The following PLCL1 variants were observed in gnomAD, a reference collection of about 807,000 sequenced individuals.
PLCL1 encodes phospholipase C like 1 (inactive).
PLCL1 carries 41 observed loss-of-function variants against 84.4 expected under a neutral mutation model. The observed-to-expected ratio is 0.49, with a 90% CI of 0.38 to 0.63. The LOEUF (loss-of-function observed/expected upper bound fraction) is 0.63, where lower values mean the gene tolerates loss of function less well. Ranked by LOEUF, PLCL1 falls within the 30% of genes least tolerant of loss-of-function variation. The probability of loss-of-function intolerance (pLI) is 0.00; values close to 1 mark genes in which losing one functional copy is unlikely to be tolerated. For missense variants in PLCL1, 1,206 were observed against 1,367.8 expected (o/e 0.88, Z 1.87); for synonymous variants, 490 against 488.3 (o/e 1.00, Z -0.05).
intron 1 of PLCL1, among the ~76,000 whole-genome samples, chr2:197,986,085 C>T (rs1370762611): frequency 6.6e-6 from 1 of 152,170 alleles, no homozygotes; most frequent in African/African-American, 2.4e-5. Flanking sequence ...ATATGACATC[C>T]TTTATCAGCC....
At chr2:198,110,373 G>A (rs368461992) in intron 5 of PLCL1, among the ~76,000 whole-genome samples, 19 of 151,828 alleles carry the variant, frequency 1.3e-4, no homozygotes, top group African/African-American at 4.1e-4. Context: ...TCACTTCTCC[G>A]TGTGTAGTTA....
rs564347345 is a variant in PLCL1 at position 198,014,157 on chromosome 2, A to G, written c.241-69601A>G. Among the ~76,000 whole-genome samples the G allele has an allele frequency of 1.1e-4, 17 of 152,290 alleles. No homozygotes were observed. In the South Asian group the frequency reaches 1.2e-3, roughly 11 times the overall value. ...CATAGAAAGCAGCACAGTCTAATAC[A>G]AGGAACTGGTGTGCTACACATGAGG... On this transcript the variant is annotated intron_variant, in intron 1 of 5. Coordinates refer to ENST00000428675, the MANE Select transcript of PLCL1 (RefSeq NM_006226.4).
intron 1 of PLCL1, among the ~76,000 whole-genome samples, chr2:197,934,546 T>G (rs1185926644): frequency 1.3e-5 from 2 of 152,226 alleles, no homozygotes; most frequent in African/African-American, 4.8e-5. Flanking sequence ...TAGATTTTAT[T>G]TGAATGAGGT....
At chr2:197,896,972 T>A (rs1688146941) in intron 1 of PLCL1, among the ~76,000 whole-genome samples, 1 of 152,138 alleles carries the variant, frequency 6.6e-6, no homozygotes, top group Admixed American at 6.5e-5. Context: ...ATTTGAGATT[T>A]GGGGTTTATG....
At chr2:198,133,433 G>A (rs1034459714) in intron 5 of PLCL1, among the ~76,000 whole-genome samples, 3 of 149,596 alleles carry the variant, frequency 2.0e-5, no homozygotes, top group African/African-American at 7.4e-5. Context: ...GCTAGATGAC[G>A]AGTTAGTGGG....
At chr2:198,026,122 T>C (rs1010250158) in intron 1 of PLCL1, among the ~76,000 whole-genome samples, 7 of 152,192 alleles carry the variant, frequency 4.6e-5, no homozygotes, top group Non-Finnish European at 8.8e-5. Flanking sequence ...GGTGTATGCA[T>C]TGGTCTCATG....
chr2:197,920,331 G>A (rs1361438968), intron 1 of PLCL1, among the ~76,000 whole-genome samples: 1 of 151,752 alleles, frequency 6.6e-6, no homozygotes, highest in Admixed American at 6.6e-5. Flanking sequence ...TGTGAAACAT[G>A]AAGAAACTGG....
chr2:197,862,794 T>C (rs974246263), intron 1 of PLCL1, among the ~76,000 whole-genome samples: 1 of 152,144 alleles, frequency 6.6e-6, no homozygotes, highest in Non-Finnish European at 1.5e-5. Flanking sequence ...CCAGATGAAC[T>C]AGAAGGATGG....
intron 1 of PLCL1, among the ~76,000 whole-genome samples, chr2:197,959,303 G>GTCTTCTCCAGAATTCCCTCTT (rs1689561197): frequency 6.6e-6 from 1 of 151,988 alleles, no homozygotes. Flanking sequence ...TCTGAAATCA[G>GTCTTCTCCAGAATTCCCTCTT]TCTTCTCCAG....
intron 1 of PLCL1, among the ~76,000 whole-genome samples, chr2:197,877,757 A>T (rs541249260): frequency 6.6e-6 from 1 of 152,238 alleles, no homozygotes; most frequent in South Asian, 2.1e-4. Context: ...TCCTAAAATA[A>T]ATGTTTTGGG....
intron 1 of PLCL1, among the ~76,000 whole-genome samples, chr2:197,868,861 G>A (rs1448802098): frequency 6.6e-6 from 1 of 151,818 alleles, no homozygotes; most frequent in Non-Finnish European, 1.5e-5. Context: ...ATAATTTCCT[G>A]GTTAGTAGCA....
chr2:197,836,579 C>G (rs1041776955), intron 1 of PLCL1, among the ~76,000 whole-genome samples: 1 of 150,732 alleles, frequency 6.6e-6, no homozygotes, highest in African/African-American at 2.4e-5. Flanking sequence ...TTTGTTAGCT[C>G]TGTTAAAACA....
intron 1 of PLCL1, among the ~76,000 whole-genome samples, chr2:197,934,757 G>T (rs2105768623): frequency 6.6e-6 from 1 of 152,230 alleles, no homozygotes; most frequent in African/African-American, 2.4e-5. Context: ...TAACATATCA[G>T]TCACCTCACA....
At chr2:197,907,663 T>C (rs1688411475) in intron 1 of PLCL1, among the ~76,000 whole-genome samples, 1 of 152,228 alleles carries the variant, frequency 6.6e-6, no homozygotes, top group Admixed American at 6.5e-5. Context: ...TCTCTCTCAA[T>C]TGTCTCAAAA....
intron 1 of PLCL1, among the ~76,000 whole-genome samples, chr2:197,924,139 G>GAGAGGT (rs1688786915): frequency 2.8e-5 from 1 of 35,890 alleles, no homozygotes; most frequent in Non-Finnish European, 5.2e-5. Flanking sequence ...AGACCGTGGG[G>GAGAGGT]AGAGGGAGAG....
intron 1 of PLCL1, among the ~76,000 whole-genome samples, chr2:197,854,230 T>C (rs901390395): frequency 6.6e-6 from 1 of 152,162 alleles, no homozygotes; most frequent in Non-Finnish European, 1.5e-5. Flanking sequence ...TGAATTGAAA[T>C]GGGGCTGGAA....
intron 1 of PLCL1, among the ~76,000 whole-genome samples, chr2:197,922,313 G>C (rs1331566978): frequency 1.1e-5 from 1 of 89,860 alleles, no homozygotes; most frequent in East Asian, 3.4e-4. Context: ...ATGTTTCAGA[G>C]AGCACAGGGT....
chr2:198,031,316 T>C (rs1691416025), intron 1 of PLCL1, among the ~76,000 whole-genome samples: 1 of 151,846 alleles, frequency 6.6e-6, no homozygotes, highest in Non-Finnish European at 1.5e-5. Flanking sequence ...TATAGTGAGC[T>C]ATGATCACAA....
rs545079815 is a variant in PLCL1 at position 197,856,701 on chromosome 2, C to T, written c.240+51362C>T. ...ATACAATATATAAGATATGAAAAAC[C>T]CTTCACAGGACATTTCATTGATTTG... On this transcript the variant is annotated intron_variant, in intron 1 of 5. Transcript: ENST00000428675. Among the ~76,000 whole-genome samples the T allele has an allele frequency of 6.6e-5, 10 of 152,056 alleles. No individual in the cohort carries two copies. The South Asian group carries it at 1.9e-3, about 28-fold the overall frequency.
Sources: gnomAD v4.1 joint callset for allele counts (sites outside exome capture counted in the v4.1 genomes callset) on GRCh38, gnomAD v4.1.1 for gene constraint, MANE v1.5 for transcripts, NCBI Gene and HGNC (gene_info 2026-07-23, HGNC 2026-07-21) for gene names.